RNF227: variants seen among roughly 807,000 people sequenced by gnomAD.
RNF227 encodes long intergenic non-protein coding RNA 2581.
A neutral mutation model predicts 4.9 loss-of-function variants in RNF227; 8 were observed. The observed-to-expected ratio is 1.65, with a 90% CI of 0.97 to 2.98. RNF227 has a LOEUF of 2.98. RNF227 is among the 30% of genes most tolerant of loss of function. RNF227 has a pLI of 0.00. For missense variants in RNF227, 136 were observed against 65.4 expected, an observed-to-expected ratio of 2.08 and a Z score of -3.72; for synonymous variants, 63 against 28.1, an observed-to-expected ratio of 2.25 and a Z score of -3.94.
chr17:7,915,244 T>A lies in RNF227; in HGVS notation c.*278A>T. On this transcript the variant is annotated 3_prime_UTR_variant, in exon 2 of 2. Transcript: ENST00000324348. ...GCCAACGTCCCAGCTAAGAAAACAG[T>A]CTGTCTTCTTCCCACGGTAACGTAG... is the stretch of plus-strand genomic sequence containing the variant. The A allele has an allele frequency of 1.8e-6, 1 of 547,578 alleles. No individual in the cohort carries two copies. Among genetic ancestry groups the A allele is most frequent in the Non-Finnish European group, 3.3e-6 (1 of 300,974 alleles). 33.9% of individuals were successfully genotyped at this position (547,578 alleles called of 1,614,324 possible). A position where few individuals can be genotyped will look rare whatever the true frequency, so the allele number is the denominator to read the frequency against.
Position 7,915,910 on chromosome 17 carries a change from G to C in RNF227, c.286C>G (p.Leu96Val). 2 of 700,978 alleles carry C rather than the reference G, an allele frequency of 2.9e-6. No individual in the cohort carries two copies. The highest frequency in any genetic ancestry group is 5.4e-5 in the East Asian group (2 of 37,202). 43.4% of individuals were successfully genotyped at this position (700,978 alleles called of 1,614,324 possible). A position where few individuals can be genotyped will look rare whatever the true frequency, so the allele number is the denominator to read the frequency against. The change falls in exon 1 of 2, where the codon CTT (leucine) becomes GTT (valine). Residue 96 changes from leucine (L) to valine (V), a missense_variant. Physicochemically the swap from Leu to Val is conservative, Grantham distance 32. Transcript: ENST00000324348. ...AATCGCGACCACAAGTCCGAGTCAA[G>C]AGCCATCTCCGTGAGGCCGCCGCGA... ...LPRGGLTEMALDSDLWSRLEE... is the reference protein window; with the variant it reads ...LPRGGLTEMAVDSDLWSRLEE...
In RNF227 at chr17:7,914,199, AC is replaced by A. The variant is rs1442104284; in HGVS notation, c.*1322del. On this transcript the variant is annotated 3_prime_UTR_variant, in exon 2 of 2. Transcript: ENST00000324348. ...ATATCCTAAAGAGTGTAGGATCTAG[AC>A]CAATGGTACTTAAATTTTCACATGC... The A allele has an allele frequency of 1.3e-5, 2 of 151,708 alleles. No homozygotes were observed. The highest frequency in any genetic ancestry group is 4.8e-5 in the African/African-American group (2 of 41,280). 9.4% of individuals were successfully genotyped at this position (151,708 alleles called of 1,614,324 possible). A position where few individuals can be genotyped will look rare whatever the true frequency, so the allele number is the denominator to read the frequency against.
Position 7,916,073 on chromosome 17 carries a change from G to GGCGC in RNF227, c.119_122dup (p.Cys43ProfsTer56), listed in dbSNP as rs1971967890. 1 of 382,738 alleles carries GGCGC rather than the reference G, an allele frequency of 2.6e-6. No individual in the cohort carries two copies. The highest frequency in any genetic ancestry group is 1.3e-4 in the South Asian group (1 of 7,734). 23.7% of individuals were successfully genotyped at this position (382,738 alleles called of 1,614,324 possible). ...CGGTGCAGATCGTGTGGCCGCAGCG[G>GGCGC]GCGCGCGCCGTTCCGGGCAGGCGGC... On this transcript the variant is annotated frameshift_variant, in exon 1 of 2. Transcript: ENST00000324348. LOFTEE classifies it high-confidence loss of function.
In RNF227 at chr17:7,913,910, T is replaced by C. The variant is rs1472034167; in HGVS notation, c.*1612A>G. ...ATCGAGACCATCCTGGCTAACACGG[T>C]GAAACCCCATCTCTACTAAAAATAC... On this transcript the variant is annotated 3_prime_UTR_variant, in exon 2 of 2. Transcript: ENST00000324348. The C allele has an allele frequency of 1.3e-5, 2 of 150,928 alleles. No individual in the cohort carries two copies. Among genetic ancestry groups the C allele is most frequent in the Admixed American group, 6.6e-5 (1 of 15,144 alleles). The allele number at this position is 150,928 out of a possible 1,614,324, so 9.3% of individuals were successfully genotyped here.
In RNF227 at chr17:7,914,428, T is replaced by G. The variant is rs948126369; in HGVS notation, c.*1094A>C. 2 of 151,384 alleles carry G rather than the reference T, an allele frequency of 1.3e-5. No homozygotes were observed. The highest frequency in any genetic ancestry group is 2.9e-5 in the Non-Finnish European group (2 of 67,856). The allele number at this position is 151,384 out of a possible 1,614,324, so 9.4% of individuals were successfully genotyped here. On this transcript the variant is annotated 3_prime_UTR_variant, in exon 2 of 2. Transcript: ENST00000324348. ...CAGGTGTGGTGGCAGGCGCCTGTAA[T>G]CCCAGCTACTCCGGAGGATGAGGCA...
chr17:7,914,034 G>C lies in RNF227; in HGVS notation c.*1488C>G, dbSNP rs1183892529. Reference sequence around the variant, plus strand: ...GTGAACCCAGGAGGCAGAGCTTGCAGTGAGCCGAGATCACGCCACTGCACT... The same window carrying C: ...GTGAACCCAGGAGGCAGAGCTTGCACTGAGCCGAGATCACGCCACTGCACT... On this transcript the variant is annotated 3_prime_UTR_variant, in exon 2 of 2. Transcript: ENST00000324348. 1 of 151,234 alleles carries C rather than the reference G, an allele frequency of 6.6e-6. No individual in the cohort carries two copies. Among genetic ancestry groups the C allele is most frequent in the Non-Finnish European group, 1.5e-5 (1 of 67,930 alleles). 9.4% of individuals were successfully genotyped at this position (151,234 alleles called of 1,614,324 possible). A position where few individuals can be genotyped will look rare whatever the true frequency, so the allele number is the denominator to read the frequency against.
Position 7,915,954 on chromosome 17 carries a change from C to T in RNF227, c.242G>A (p.Arg81His), listed in dbSNP as rs1377531939. 6.0e-6 allele frequency: 4 copies of T among 666,630 alleles called. No individual in the cohort carries two copies. Among genetic ancestry groups the T allele is most frequent in the Non-Finnish European group, 1.1e-5 (4 of 361,598 alleles). The allele number at this position is 666,630 out of a possible 1,614,324, so 41.3% of individuals were successfully genotyped here. Residue 81 changes from arginine (R) to histidine (H), a missense_variant, in exon 1 of 2, where the codon CGC becomes CAC. Coordinates refer to ENST00000324348, the MANE Select transcript of RNF227 (RefSeq NM_001358699.2). ...GCCGCGAGGGAGCTGCGAGGGCGCG[C>T]GGCAGAAGGGGCACGTGACCACGCG... Reference protein sequence around the residue: ...LRRVVTCPFCRAPSQLPRGGL... With the variant: ...LRRVVTCPFCHAPSQLPRGGL...
rs1971956034 is a variant in RNF227 at position 7,915,577 on chromosome 17, A to T, written c.518T>A (p.Val173Glu). 1 of 702,996 alleles carries T rather than the reference A, an allele frequency of 1.4e-6. No homozygotes were observed. Among genetic ancestry groups the T allele is most frequent in the African/African-American group, 1.7e-5 (1 of 57,274 alleles). 43.5% of individuals were successfully genotyped at this position (702,996 alleles called of 1,614,324 possible). A position where few individuals can be genotyped will look rare whatever the true frequency, so the allele number is the denominator to read the frequency against. Residue 173 changes from valine to glutamate, a missense_variant and splice_region_variant, in exon 2 of 2, where the codon GTG becomes GAG. Transcript: ENST00000324348. ...GTCCTTGATCTCCGCACAGTAGAGCACTGGGGGAAAGAAGAAGGGTTAGTG... is the reference window on the plus strand; with the variant it reads ...GTCCTTGATCTCCGCACAGTAGAGCTCTGGGGGAAAGAAGAAGGGTTAGTG... ...RRWRRPLPSN[V>E]LYCAEIKDIG... is the part of the protein sequence containing the mutation.
chr17:7,915,473 G>A lies in RNF227; in HGVS notation c.*49C>T, dbSNP rs182374140. On this transcript the variant is annotated 3_prime_UTR_variant, in exon 2 of 2. Coordinates refer to ENST00000324348, the MANE Select transcript of RNF227 (RefSeq NM_001358699.2). ...GAGTAGTCTTGACATCAGCCCCCGC[G>A]AGGCTGCAGCTCCCACCTTCCTTCG... The A allele has an allele frequency of 9.5e-5, 67 of 702,890 alleles. No individual in the cohort carries two copies. In the Middle Eastern group the frequency reaches 1.4e-3, roughly 14 times the overall value. 43.5% of individuals were successfully genotyped at this position (702,890 alleles called of 1,614,324 possible).
Position 7,916,196 on chromosome 17 carries a change from C to T in RNF227, c.-1G>A. On this transcript the variant is annotated 5_prime_UTR_variant, in exon 1 of 2. Coordinates refer to ENST00000324348, the MANE Select transcript of RNF227 (RefSeq NM_001358699.2). ...AGGGTACCCTCACCAAGAGCTGCAT[C>T]GTGCCCGCCGCGGACTCGAGGACGT... The T allele has an allele frequency of 2.5e-6, 1 of 393,296 alleles. No individual in the cohort carries two copies. The highest frequency in any genetic ancestry group is 6.4e-4 in the Middle Eastern group (1 of 1,568). The allele number at this position is 393,296 out of a possible 1,614,324, so 24.4% of individuals were successfully genotyped here.
rs1371399172 is a variant in RNF227, at chr17:7,916,052, G to A, written c.144C>T (p.Cys48=). 5.4e-6 allele frequency: 2 copies of A among 369,866 alleles called. No homozygotes were observed. The highest frequency in any genetic ancestry group is 9.3e-5 in the Admixed American group (2 of 21,536). 22.9% of individuals were successfully genotyped at this position (369,866 alleles called of 1,614,324 possible). Residue 48 remains cysteine, a synonymous_variant, in exon 1 of 2, where the codon TGC becomes TGT. Coordinates refer to ENST00000324348, the MANE Select transcript of RNF227 (RefSeq NM_001358699.2). ...TARARCGHTI[C]TACLRELAAR... ...CCGCCAGCTCGCGGAGGCAGGCGGT[G>A]CAGATCGTGTGGCCGCAGCGGGCGC...
At position 7,915,219 on chromosome 17, in the gene RNF227, G is replaced by A. The variant is rs1971950453; in HGVS notation, c.*303C>T. On this transcript the variant is annotated 3_prime_UTR_variant, in exon 2 of 2. Transcript: ENST00000324348. Reference sequence around the variant, plus strand: ...CACACCAGAGCCACCCTGGACAAAAGCCAACGTCCCAGCTAAGAAAACAGT... The same window carrying A: ...CACACCAGAGCCACCCTGGACAAAAACCAACGTCCCAGCTAAGAAAACAGT... 4.0e-6 allele frequency: 2 copies of A among 502,000 alleles called. No homozygotes were observed. The highest frequency in any genetic ancestry group is 4.1e-5 in the South Asian group (2 of 48,858). The allele number at this position is 502,000 out of a possible 1,614,324, so 31.1% of individuals were successfully genotyped here. A position where few individuals can be genotyped will look rare whatever the true frequency, so the allele number is the denominator to read the frequency against.
chr17:7,915,828 T>C lies in RNF227; in HGVS notation c.368A>G (p.Glu123Gly), dbSNP rs2151710024. The stretch of plus-strand genomic sequence containing the variant: ...CGCCTCTCCGTCAGCGTCGCTGCTT[T>C]CCTTGGCCGGGTTCCCAGCCTCATC... ...ERDEAGNPAK[E>G]SSDADGEAEE... The change falls in exon 1 of 2, where the codon GAA becomes GGA. Residue 123 changes from glutamate to glycine, a missense_variant. Physicochemically the swap from Glu to Gly is moderately conservative, Grantham distance 98. Transcript: ENST00000324348. 2.8e-6 allele frequency: 2 copies of C among 702,780 alleles called. No individual in the cohort carries two copies. Among genetic ancestry groups the C allele is most frequent in the South Asian group, 3.0e-5 (2 of 67,602 alleles). 43.5% of individuals were successfully genotyped at this position (702,780 alleles called of 1,614,324 possible). A position where few individuals can be genotyped will look rare whatever the true frequency, so the allele number is the denominator to read the frequency against.
In RNF227 at chr17:7,915,837, G is replaced by C. The variant is rs1388477166; in HGVS notation, c.359C>G (p.Pro120Arg). ...AKCERDEAGN[P>R]AKESSDADGE... ...GTCAGCGTCGCTGCTTTCCTTGGCC[G>C]GGTTCCCAGCCTCATCTCGTTCGCA... Residue 120 changes from proline (P) to arginine (R), a missense_variant, in exon 1 of 2, where the codon CCG becomes CGG. Pro to Arg is a moderately radical substitution (Grantham distance 103, BLOSUM62 -2). Transcript: ENST00000324348. 2 of 702,602 alleles carry C rather than the reference G, an allele frequency of 2.8e-6. No homozygotes were observed. Among genetic ancestry groups the C allele is most frequent in the South Asian group, 1.5e-5 (1 of 67,600 alleles). The allele number at this position is 702,602 out of a possible 1,614,324, so 43.5% of individuals were successfully genotyped here.
chr17:7,914,176 A>T lies in RNF227; in HGVS notation c.*1346T>A, dbSNP rs921874854. On this transcript the variant is annotated 3_prime_UTR_variant, in exon 2 of 2. Coordinates refer to ENST00000324348, the MANE Select transcript of RNF227 (RefSeq NM_001358699.2). ...AAATATTCTACCTACAGATGGTGAT[A>T]TCCTAAAGAGTGTAGGATCTAGACC... 1 of 152,142 alleles carries T rather than the reference A, an allele frequency of 6.6e-6. No individual in the cohort carries two copies. Among genetic ancestry groups the T allele is most frequent in the Non-Finnish European group, 1.5e-5 (1 of 68,032 alleles). The allele number at this position is 152,142 out of a possible 1,614,324, so 9.4% of individuals were successfully genotyped here.
Position 7,915,287 on chromosome 17 carries a change from C to T in RNF227, c.*235G>A, listed in dbSNP as rs186495828. 1.7e-5 allele frequency: 11 copies of T among 641,552 alleles called. No individual in the cohort carries two copies. The Admixed American group carries it at 2.2e-4, about 13-fold the overall frequency. 39.7% of individuals were successfully genotyped at this position (641,552 alleles called of 1,614,324 possible). A position where few individuals can be genotyped will look rare whatever the true frequency, so the allele number is the denominator to read the frequency against. On this transcript the variant is annotated 3_prime_UTR_variant, in exon 2 of 2. Coordinates refer to ENST00000324348, the MANE Select transcript of RNF227 (RefSeq NM_001358699.2). The stretch of plus-strand genomic sequence containing the variant: ...TAACGTAGGCTTTGTTTATATCATC[C>T]CTTGGCCACTCCATCCTGAAAATGT...
rs944312061 is a variant in RNF227 at position 7,915,187 on chromosome 17, G to T, written c.*335C>A. The T allele has an allele frequency of 1.1e-5, 5 of 436,288 alleles. No individual in the cohort carries two copies. The East Asian group carries it at 1.9e-4, about 17-fold the overall frequency. 27.0% of individuals were successfully genotyped at this position (436,288 alleles called of 1,614,324 possible). ...AAGAATTGCTAAAATGGGACCTGTT[G>T]CTCCCACACACCAGAGCCACCCTGG... is the stretch of plus-strand genomic sequence containing the variant. On this transcript the variant is annotated 3_prime_UTR_variant, in exon 2 of 2. Transcript: ENST00000324348.
Position 7,915,241 on chromosome 17 carries a change from C to T in RNF227, c.*281G>A. 1 of 542,468 alleles carries T rather than the reference C, an allele frequency of 1.8e-6. No homozygotes were observed. Among genetic ancestry groups the T allele is most frequent in the South Asian group, 2.0e-5 (1 of 50,110 alleles). The allele number at this position is 542,468 out of a possible 1,614,324, so 33.6% of individuals were successfully genotyped here. A position where few individuals can be genotyped will look rare whatever the true frequency, so the allele number is the denominator to read the frequency against. ...AAAGCCAACGTCCCAGCTAAGAAAACAGTCTGTCTTCTTCCCACGGTAACG... is the reference window on the plus strand; with the variant it reads ...AAAGCCAACGTCCCAGCTAAGAAAATAGTCTGTCTTCTTCCCACGGTAACG... On this transcript the variant is annotated 3_prime_UTR_variant, in exon 2 of 2. Transcript: ENST00000324348.
rs1971921020 is a variant in RNF227 at position 7,913,952 on chromosome 17, CGTGGTGGTGG to C, written c.*1560_*1569del. 6.6e-6 allele frequency: 1 copy of C among 151,794 alleles called. No individual in the cohort carries two copies. The highest frequency in any genetic ancestry group is 2.4e-5 in the African/African-American group (1 of 41,304). 9.4% of individuals were successfully genotyped at this position (151,794 alleles called of 1,614,324 possible). On this transcript the variant is annotated 3_prime_UTR_variant, in exon 2 of 2. Transcript: ENST00000324348. Reference sequence around the variant, plus strand: ...TAAAAATACAAAAAAATTAGCCAGGCGTGGTGGTGGGTGCCTGTAGCCCCAGCTACTTGGG... The same window carrying C: ...TAAAAATACAAAAAAATTAGCCAGGCGTGCCTGTAGCCCCAGCTACTTGGG...
Sources: allele counts gnomAD v4.1 joint callset, GRCh38; gene constraint gnomAD v4.1.1; transcripts MANE v1.5; gene names NCBI Gene and HGNC (gene_info 2026-07-23, HGNC 2026-07-21).